CD200R1L: variants seen among roughly 807,000 people sequenced by gnomAD.
CD200R1L encodes cell surface glycoprotein CD200 receptor 2.
In CD200R1L, 14 loss-of-function variants were observed where a neutral mutation model predicts 24.8. That is an observed-to-expected ratio of 0.56 (90% CI 0.37 to 0.88). CD200R1L has a LOEUF of 0.88. CD200R1L is among the 40% of genes least tolerant of loss of function. CD200R1L has a pLI of 0.00. For missense variants in CD200R1L, 299 were observed against 297.8 expected (o/e 1.00, Z -0.03); for synonymous variants, 111 against 109.2 (o/e 1.02, Z -0.11).
At chr3:112,831,740 G>A (rs1021253688) in intron 3 of CD200R1L, among the ~76,000 whole-genome samples, 5 of 152,182 alleles carry the variant, frequency 3.3e-5, no homozygotes, top group African/African-American at 4.8e-5. Context: ...AGATCCTTTC[G>A]TAGTGCCTTC....
chr3:112,817,752 C>T (rs1309472139), intron 7 of CD200R1L, among the ~76,000 whole-genome samples: 1 of 152,210 alleles, frequency 6.6e-6, no homozygotes, highest in African/African-American at 2.4e-5. Flanking sequence ...TTTATGCATT[C>T]ATTTTTTCCC....
chr3:112,819,917 A>G (rs758393668), intron 6 of CD200R1L, 22 bp from the exon 7 acceptor site: 6 of 1,549,940 alleles, frequency 3.9e-6, no homozygotes, highest in Non-Finnish European at 4.3e-6. Flanking sequence ...GACAGGGGTG[A>G]AAAATCATTT....
rs117349108 is a variant in CD200R1L at position 112,826,871 on chromosome 3, T to A, written c.616+122A>T. ...TAGCGTTGTAATGCATTTCTCAGTTTGAGAGAATATTTTCAAGCTAGGAGC... is the reference window on the plus strand; with the variant it reads ...TAGCGTTGTAATGCATTTCTCAGTTAGAGAGAATATTTTCAAGCTAGGAGC... On this transcript the variant is annotated intron_variant, in intron 6 of 7. Transcript: ENST00000488794. 6.3e-4 allele frequency: 712 copies of A among 1,131,160 alleles called. 7 individuals are homozygous for A. In the East Asian group the frequency reaches 0.016, roughly 26 times the overall value. The allele number at this position is 1,131,160 out of a possible 1,614,324, so 70.1% of individuals were successfully genotyped here.
intron 2 of CD200R1L, chr3:112,841,411 T>G: frequency 3.2e-6 from 1 of 314,168 alleles, no homozygotes; most frequent in South Asian, 2.5e-5. Flanking sequence ...TAGTTCTTTA[T>G]AGCAATGTGA....
At chr3:112,841,239 C>T (rs1939072401) in intron 2 of CD200R1L, 1 of 445,844 alleles carries the variant, frequency 2.2e-6, no homozygotes, top group Non-Finnish European at 4.5e-6. Flanking sequence ...TGTGTAGCAC[C>T]TCCTCACCTT....
intron 3 of CD200R1L, among the ~76,000 whole-genome samples, chr3:112,830,135 A>G (rs1024465275): frequency 2.6e-5 from 4 of 152,216 alleles, no homozygotes; most frequent in Non-Finnish European, 5.9e-5. Context: ...AAGTGCTTCA[A>G]TCTTAACATA....
At chr3:112,825,821 T>G (rs1162316318) in intron 6 of CD200R1L, among the ~76,000 whole-genome samples, 1 of 151,990 alleles carries the variant, frequency 6.6e-6, no homozygotes. Flanking sequence ...GAAAAAAGAT[T>G]TAGAATTTGG....
At chr3:112,826,110 C>T (rs1938649408) in intron 6 of CD200R1L, among the ~76,000 whole-genome samples, 1 of 151,356 alleles carries the variant, frequency 6.6e-6, no homozygotes, top group South Asian at 2.1e-4. Flanking sequence ...AAGAAAAGAA[C>T]AAACATGAAA....
chr3:112,844,262 T>C (rs981036495), intron 2 of CD200R1L, among the ~76,000 whole-genome samples: 1 of 152,190 alleles, frequency 6.6e-6, no homozygotes, highest in African/African-American at 2.4e-5. Flanking sequence ...CATCTACATA[T>C]GGAACGTGCT....
chr3:112,841,479 A>T, intron 2 of CD200R1L: 1 of 237,406 alleles, frequency 4.2e-6, no homozygotes, highest in Non-Finnish European at 8.8e-6. Context: ...CACAGCTCAA[A>T]CCTGTATGGA....
intron 2 of CD200R1L, among the ~76,000 whole-genome samples, chr3:112,845,143 G>A (rs904170368): frequency 2.6e-5 from 4 of 151,742 alleles, no homozygotes; most frequent in Non-Finnish European, 5.9e-5. Flanking sequence ...GTACTAGCTG[G>A]ATTAACAAAG....
At chr3:112,819,106 C>A (rs1938469031) in intron 7 of CD200R1L, among the ~76,000 whole-genome samples, 1 of 152,128 alleles carries the variant, frequency 6.6e-6, no homozygotes, top group Admixed American at 6.5e-5. Context: ...CTTATAAAAC[C>A]ATCAGCTATT....
At chr3:112,826,940 G>A in intron 6 of CD200R1L, 53 bp downstream of exon 6, 2 of 1,500,428 alleles carry the variant, frequency 1.3e-6, no homozygotes, top group African/African-American at 2.8e-5. Flanking sequence ...TATTTTCTAT[G>A]GAAGAAAAAG....
At chr3:112,823,700 G>A (rs1386372439) in intron 6 of CD200R1L, among the ~76,000 whole-genome samples, 1 of 152,194 alleles carries the variant, frequency 6.6e-6, no homozygotes, top group Non-Finnish European at 1.5e-5. Flanking sequence ...TTCATGGCAA[G>A]AGAAAATCAT....
intron 2 of CD200R1L, among the ~76,000 whole-genome samples, chr3:112,838,485 CA>C (rs142677700): frequency 8.1e-6 from 1 of 123,800 alleles, no homozygotes; most frequent in Non-Finnish European, 1.6e-5. Flanking sequence ...AACAAACAAA[CA>C]AACAAAAAAA....
intron 2 of CD200R1L, among the ~76,000 whole-genome samples, chr3:112,839,677 T>C (rs767685494): frequency 1.3e-5 from 2 of 152,152 alleles, no homozygotes; most frequent in African/African-American, 4.8e-5. Flanking sequence ...AGGTTCTTGA[T>C]TGAAAAGGAA....
At position 112,829,117 on chromosome 3, in the gene CD200R1L, AG is replaced by A. The variant is rs1938736016; in HGVS notation, c.49+201del. 2.6e-5 allele frequency among the ~76,000 whole-genome samples: 4 copies of A among 152,314 alleles called. No homozygotes were observed. In the South Asian group the frequency reaches 6.2e-4, roughly 24 times the overall value. On this transcript the variant is annotated intron_variant, in intron 4 of 7. Coordinates refer to ENST00000488794, the MANE Select transcript of CD200R1L (RefSeq NM_001199215.3). ...TCCTTCCAGCACTCCACCTTAGCAA[AG>A]GTTCAGAGGTAAGCAAGAGTATGGC...
intron 3 of CD200R1L, among the ~76,000 whole-genome samples, chr3:112,836,251 T>G (rs1159353607): frequency 6.6e-6 from 1 of 152,114 alleles, no homozygotes; most frequent in Admixed American, 6.5e-5. Context: ...TCACAGCCAC[T>G]CCTGCTGCCA....
intron 3 of CD200R1L, among the ~76,000 whole-genome samples, chr3:112,832,231 G>C (rs950457785): frequency 6.6e-6 from 1 of 152,152 alleles, no homozygotes; most frequent in African/African-American, 2.4e-5. Flanking sequence ...AGAACACAAA[G>C]AACATTAAGG....
Sources: gnomAD v4.1 joint callset for allele counts (sites outside exome capture counted in the v4.1 genomes callset) on GRCh38, gnomAD v4.1.1 for gene constraint, MANE v1.5 for transcripts, NCBI Gene and HGNC (gene_info 2026-07-23, HGNC 2026-07-21) for gene names.